ATG13: variants seen among roughly 807,000 people sequenced by gnomAD.
ATG13 encodes the protein autophagy related 13.
A neutral mutation model predicts 65.5 loss-of-function variants in ATG13; 23 were observed. That is an observed-to-expected ratio of 0.35 (90% CI 0.25 to 0.50). The LOEUF is 0.50. Ranked by LOEUF, ATG13 falls within the 20% of genes least tolerant of loss-of-function variation. ATG13 has a pLI of 0.98. For missense variants in ATG13, 566 were observed against 677.0 expected (o/e 0.84, Z 1.82); for synonymous variants, 252 against 245.2 (o/e 1.03, Z -0.26).
intron 2 of ATG13, among the ~76,000 whole-genome samples, chr11:46,637,382 T>C (rs762602511): frequency 6.6e-6 from 1 of 152,226 alleles, no homozygotes; most frequent in Non-Finnish European, 1.5e-5. Flanking sequence ...AAAATGTATT[T>C]TCTTTTCTCT....
chr11:46,636,328 C>T (rs1243023444), intron 2 of ATG13, among the ~76,000 whole-genome samples: 2 of 151,958 alleles, frequency 1.3e-5, no homozygotes, highest in Non-Finnish European at 2.9e-5. Flanking sequence ...GAGGCAGAGG[C>T]GGGTGGATCA....
At position 46,668,538 on chromosome 11, in the gene ATG13, G is replaced by T; in HGVS notation, c.1291G>T (p.Ala431Ser). 1 of 1,614,190 alleles carries T rather than the reference G, an allele frequency of 6.2e-7. No individual in the cohort carries two copies. Among genetic ancestry groups the T allele is most frequent in the Non-Finnish European group, 8.5e-7 (1 of 1,180,036 alleles). The change falls in exon 16 of 19, where the codon GCT becomes TCT. Residue 431 changes from alanine to serine, a missense_variant. Ala to Ser is a moderately conservative substitution (Grantham distance 99). Transcript: ENST00000683050. Reference protein sequence around the residue: ...TSLDIPFAMFAPKNLELEDTD... With the variant: ...TSLDIPFAMFSPKNLELEDTD... ...TTTGGATATACCCTTTGCCATGTTT[G>T]CTCCCAAGAATTTGGAGCTGGAGGA...
rs182658972 is a variant in ATG13 at position 46,669,352 on chromosome 11, A to T, written c.1447-52A>T. 17 of 1,603,718 alleles carry T rather than the reference A, an allele frequency of 1.1e-5. No individual in the cohort carries two copies. The Admixed American group carries it at 2.7e-4, about 25-fold the overall frequency. ...AGAAGGAAAGACTTGTTCATAGCTT[A>T]TCTCCTCTGTGGTTCAAGGCAAGCT... On this transcript the variant is annotated intron_variant, in intron 17 of 18. Coordinates refer to ENST00000683050, the MANE Select transcript of ATG13 (RefSeq NM_001346311.2).
chr11:46,632,069 G>A (rs1359164252), intron 2 of ATG13, among the ~76,000 whole-genome samples: 1 of 152,124 alleles, frequency 6.6e-6, no homozygotes, highest in East Asian at 1.9e-4. Flanking sequence ...ATGAAGAAAG[G>A]TCTTAATTAA....
chr11:46,672,535 G>A lies in ATG13; in HGVS notation c.*203G>A. On this transcript the variant is annotated 3_prime_UTR_variant, in exon 19 of 19. Coordinates refer to ENST00000683050, the MANE Select transcript of ATG13 (RefSeq NM_001346311.2). ...CAGTCAAGCCCAGTGCCCAGTTGGA[G>A]AAGACTCACGTGCTGGCCTTGGAGA... 1 of 1,456,468 alleles carries A rather than the reference G, an allele frequency of 6.9e-7. No homozygotes were observed. Among genetic ancestry groups the A allele is most frequent in the South Asian group, 1.3e-5 (1 of 74,404 alleles). The allele number at this position is 1,456,468 out of a possible 1,614,324, so 90.2% of individuals were successfully genotyped here.
chr11:46,630,512 T>A (rs1402098565), intron 2 of ATG13, among the ~76,000 whole-genome samples: 1 of 151,784 alleles, frequency 6.6e-6, no homozygotes, highest in East Asian at 1.9e-4. Flanking sequence ...CTGTGCTTGT[T>A]ACATCCAGAA....
intron 1 of ATG13, among the ~76,000 whole-genome samples, chr11:46,622,654 G>C (rs1565401768): frequency 6.6e-6 from 1 of 152,160 alleles, no homozygotes; most frequent in African/African-American, 2.4e-5. Flanking sequence ...AATCAAAGGG[G>C]AGAAACAAGG....
Position 46,642,556 on chromosome 11 carries a change from C to T in ATG13, c.-13-1723C>T, listed in dbSNP as rs182232340. On this transcript the variant is annotated intron_variant, in intron 2 of 18. Coordinates refer to ENST00000683050, the MANE Select transcript of ATG13 (RefSeq NM_001346311.2). The stretch of plus-strand genomic sequence containing the variant: ...CTAACCTCAGGTGATCCACCCTCCT[C>T]GGCCTCCCAAAGTGCTAGGATTACA... Among the ~76,000 whole-genome samples the T allele has an allele frequency of 8.6e-3, 1,314 of 152,216 alleles. 9 individuals carry two copies. Among genetic ancestry groups the T allele is most frequent in the African/African-American group, 0.03 (1,260 of 41,536 alleles).
At chr11:46,618,167 G>A (rs1270635424) in intron 1 of ATG13, 15 of 343,094 alleles carry the variant, frequency 4.4e-5, no homozygotes, top group Non-Finnish European at 6.8e-5. Context: ...TAATTTGGGG[G>A]GCCATAACTC....
chr11:46,655,430 G>A (rs2059842267), intron 7 of ATG13, among the ~76,000 whole-genome samples: 4 of 151,776 alleles, frequency 2.6e-5, no homozygotes, highest in Non-Finnish European at 5.9e-5. Context: ...AAAAACAGCC[G>A]GGCGTGGTGG....
rs948708769 is a variant in ATG13, at chr11:46,654,815, C to T, written c.459-1418C>T. Among the ~76,000 whole-genome samples, 49 of 151,168 alleles carry T rather than the reference C, an allele frequency of 3.2e-4. 1 individual carries two copies. Among genetic ancestry groups the T allele is most frequent in the African/African-American group, 1.2e-3 (49 of 41,198 alleles). Reference sequence around the variant, plus strand: ...AATTATTTTTAAAAAACCCGAAAAACAGGCCAGGCATGGTGGCTTGCACCT... The same window carrying T: ...AATTATTTTTAAAAAACCCGAAAAATAGGCCAGGCATGGTGGCTTGCACCT... On this transcript the variant is annotated intron_variant, in intron 7 of 18. Transcript: ENST00000683050.
chr11:46,652,813 G>A (rs912010371), intron 7 of ATG13, among the ~76,000 whole-genome samples: 1 of 152,110 alleles, frequency 6.6e-6, no homozygotes, highest in Non-Finnish European at 1.5e-5. Context: ...TCTTGTTAAA[G>A]GCCTTAAAGG....
intron 2 of ATG13, among the ~76,000 whole-genome samples, chr11:46,633,026 A>T (rs765226505): frequency 0.04 from 3,628 of 90,624 alleles, 122 homozygotes; most frequent in African/African-American, 0.066. Context: ...ATATATATAT[A>T]TTTTTTTTTT....
chr11:46,650,030 T>A, intron 6 of ATG13, 147 bp from the exon 7 acceptor site: 1 of 839,184 alleles, frequency 1.2e-6, no homozygotes, highest in Non-Finnish European at 1.7e-6. Flanking sequence ...CATGAGAAAG[T>A]AAAACATTGG....
chr11:46,619,364 A>G (rs538999096), intron 1 of ATG13, among the ~76,000 whole-genome samples: 82 of 58,100 alleles, frequency 1.4e-3, no homozygotes, highest in African/African-American at 5.3e-3. Flanking sequence ...TGGAAGGTAG[A>G]TTTCTTGCTT....
At chr11:46,661,856 C>T (rs2061293924) in intron 11 of ATG13, among the ~76,000 whole-genome samples, 1 of 152,134 alleles carries the variant, frequency 6.6e-6, no homozygotes, top group Non-Finnish European at 1.5e-5. Flanking sequence ...AATAAACTCA[C>T]AGTTGTAATC....
At position 46,617,907 on chromosome 11, in the gene ATG13, G is replaced by C; in HGVS notation, c.-70+17G>C. 2.5e-6 allele frequency: 1 copy of C among 399,144 alleles called. No homozygotes were observed. The highest frequency in any genetic ancestry group is 4.4e-6 in the Non-Finnish European group (1 of 226,136). 24.7% of individuals were successfully genotyped at this position (399,144 alleles called of 1,614,324 possible). A position where few individuals can be genotyped will look rare whatever the true frequency, so the allele number is the denominator to read the frequency against. On this transcript the variant is annotated intron_variant, in intron 1 of 18. Coordinates refer to ENST00000683050, the MANE Select transcript of ATG13 (RefSeq NM_001346311.2). ...GCTTCGCAGGTACTAACTTTTGCGG[G>C]GGATACCCCAAGATCTCTCAGCGCC... is the stretch of plus-strand genomic sequence containing the variant.
intron 14 of ATG13, 68 bp downstream of exon 14, chr11:46,665,587 C>G (rs939159584): frequency 1.3e-6 from 2 of 1,562,530 alleles, no homozygotes; most frequent in African/African-American, 2.7e-5. Context: ...GACACACGTG[C>G]TTATTTAGAA....
At chr11:46,635,476 C>CT (rs1219865530) in intron 2 of ATG13, among the ~76,000 whole-genome samples, 3 of 152,094 alleles carry the variant, frequency 2.0e-5, no homozygotes, top group African/African-American at 7.2e-5. Context: ...ACCCCCATCT[C>CT]TTTTTTAAAA....
Sources: allele counts gnomAD v4.1 joint callset (sites outside exome capture counted in the v4.1 genomes callset), GRCh38; gene constraint gnomAD v4.1.1; transcripts MANE v1.5; gene names NCBI Gene and HGNC (gene_info 2026-07-23, HGNC 2026-07-21).